The following MSR1 variants were observed in gnomAD, a reference collection of about 807,000 sequenced individuals.
The protein encoded by MSR1 is macrophage scavenger receptor types I and II.
Under a neutral mutation model 47.2 loss-of-function variants are expected in MSR1, and 53 were observed. The ratio of observed to expected loss-of-function variants is 1.12; its 90% CI spans 0.90 to 1.41. MSR1 has a LOEUF of 1.41. Ranked by LOEUF, MSR1 falls within the 40% of genes most tolerant of loss-of-function variation. MSR1 has a pLI of 0.00. For missense variants in MSR1, 786 were observed against 546.9 expected, an observed-to-expected ratio of 1.44 and a Z score of -4.36; for synonymous variants, 239 against 185.6, an observed-to-expected ratio of 1.29 and a Z score of -2.34.
chr8:16,184,355 C>T (rs1376483415), intron 1 of MSR1, among the ~76,000 whole-genome samples: 5 of 151,996 alleles, frequency 3.3e-5, no homozygotes, highest in African/African-American at 7.2e-5. Context: ...TGATCTATTA[C>T]ATCTGTTCAA....
intron 8 of MSR1, among the ~76,000 whole-genome samples, chr8:16,122,763 G>A (rs77328645): frequency 0.057 from 8,604 of 151,790 alleles, 350 homozygotes; most frequent in South Asian, 0.18. Flanking sequence ...TATTGCAAAG[G>A]GAATGGCTGA....
At chr8:16,121,680 A>C (rs1800008276) in intron 8 of MSR1, among the ~76,000 whole-genome samples, 1 of 151,738 alleles carries the variant, frequency 6.6e-6, no homozygotes, top group Non-Finnish European at 1.5e-5. Flanking sequence ...AAAACTAATA[A>C]ATGTAATTCT....
chr8:16,154,735 G>A (rs977744767), intron 6 of MSR1, among the ~76,000 whole-genome samples: 1 of 152,026 alleles, frequency 6.6e-6, no homozygotes, highest in Non-Finnish European at 1.5e-5. Context: ...GGTTAGGTCT[G>A]CCTTATACTG....
intron 4 of MSR1, among the ~76,000 whole-genome samples, chr8:16,166,080 G>C (rs1801297860): frequency 6.6e-6 from 1 of 151,666 alleles, no homozygotes; most frequent in Non-Finnish European, 1.5e-5. Context: ...AGTGTTAAGT[G>C]ACTAGACAGT....
rs535638750 is a variant in MSR1 at position 16,108,671 on chromosome 8, T to C, written c.*1414A>G. On this transcript the variant is annotated 3_prime_UTR_variant, in exon 10 of 10. Transcript: ENST00000262101. ...TTATGCTGCCAGAGAAAATCAGCAA[T>C]GTTAAACAAGTAGAAGAATGTTACA... 1 of 152,240 alleles carries C rather than the reference T, an allele frequency of 6.6e-6. No homozygotes were observed. The highest frequency in any genetic ancestry group is 2.1e-4 in the South Asian group (1 of 4,822). 9.4% of individuals were successfully genotyped at this position (152,240 alleles called of 1,614,324 possible). A position where few individuals can be genotyped will look rare whatever the true frequency, so the allele number is the denominator to read the frequency against.
chr8:16,183,962 G>T (rs78124635), intron 1 of MSR1, among the ~76,000 whole-genome samples: 6,062 of 148,268 alleles, frequency 0.041, 437 homozygotes, highest in African/African-American at 0.14. Flanking sequence ...GGGGAAGTGG[G>T]TAATCAAGGT....
intron 1 of MSR1, chr8:16,186,072 C>T (rs1801989571): frequency 1.7e-6 from 2 of 1,167,034 alleles, no homozygotes; most frequent in Admixed American, 2.3e-5. Context: ...GTGGTAGAAG[C>T]AGAAATAAAA....
At chr8:16,124,241 TGAAA>T (rs1282259410) in intron 8 of MSR1, among the ~76,000 whole-genome samples, 1 of 152,158 alleles carries the variant, frequency 6.6e-6, no homozygotes, top group Admixed American at 6.5e-5. Flanking sequence ...ATTTCCTTGT[TGAAA>T]GAGTTTTGAG....
intron 8 of MSR1, chr8:16,139,233 A>G (rs1800465941): frequency 2.0e-6 from 2 of 979,670 alleles, no homozygotes; most frequent in Non-Finnish European, 2.4e-6. Context: ...TTTCACTCCT[A>G]TTCTGATTAC....
chr8:16,135,401 G>C (rs1054328676), intron 8 of MSR1, among the ~76,000 whole-genome samples: 3 of 152,124 alleles, frequency 2.0e-5, no homozygotes, highest in Admixed American at 2.0e-4. Flanking sequence ...GTGACAGCAC[G>C]TCTGTTGACA....
At chr8:16,155,387 G>C (rs1299484246) in intron 5 of MSR1, among the ~76,000 whole-genome samples, 1 of 152,032 alleles carries the variant, frequency 6.6e-6, no homozygotes, top group African/African-American at 2.4e-5. Context: ...AAATGTGAGT[G>C]TGCCTAACAC....
At chr8:16,153,120 G>T (rs570287310) in intron 6 of MSR1, among the ~76,000 whole-genome samples, 17 of 152,128 alleles carry the variant, frequency 1.1e-4, no homozygotes, top group African/African-American at 4.1e-4. Flanking sequence ...CATCATGATT[G>T]TGAGTCTAGG....
chr8:16,155,161 GT>G lies in MSR1; in HGVS notation c.818-18del. 1 of 1,591,694 alleles carries G rather than the reference GT, an allele frequency of 6.3e-7. No homozygotes were observed. The highest frequency in any genetic ancestry group is 8.6e-7 in the Non-Finnish European group (1 of 1,161,164). ...CAGGAGGACCTTTAAAAAAATTACA[GT>G]TACTGATCATAGTTGTAAAGCATAG... is the stretch of plus-strand genomic sequence containing the variant. On this transcript the variant is annotated intron_variant, in intron 5 of 9. Coordinates refer to ENST00000262101, the MANE Select transcript of MSR1 (RefSeq NM_138715.3).
intron 9 of MSR1, among the ~76,000 whole-genome samples, chr8:16,120,103 C>G (rs935315745): frequency 2.6e-5 from 4 of 151,808 alleles, no homozygotes; most frequent in African/African-American, 9.7e-5. Context: ...TCTGGCCAAG[C>G]GCGGTGGCTC....
intron 6 of MSR1, among the ~76,000 whole-genome samples, chr8:16,150,737 C>T (rs555461939): frequency 5.3e-5 from 8 of 151,996 alleles, no homozygotes; most frequent in Admixed American, 3.9e-4. Context: ...AAAGTATCAA[C>T]GAGTGTTTTA....
chr8:16,143,809 T>C (rs1030851296), intron 7 of MSR1, among the ~76,000 whole-genome samples, 198 bp from the exon 8 acceptor site: 1 of 152,078 alleles, frequency 6.6e-6, no homozygotes, highest in African/African-American at 2.4e-5. Context: ...TATTGTGATA[T>C]TTCAAATTAT....
chr8:16,143,580 T>G lies in MSR1; in HGVS notation c.1011A>C (p.Glu337Asp). ...TACTTAATGTGTTTCCACTCCCCTT[T>G]TCCCCTTTCTGGCCTTTTGGTCCAG... ...GNSGPKGQKGEKGSGNTLTPF... is the reference protein window; with the variant it reads ...GNSGPKGQKGDKGSGNTLTPF... Residue 337 changes from glutamate to aspartate, a missense_variant, in exon 8 of 10, where the codon GAA becomes GAC. Coordinates refer to ENST00000262101, the MANE Select transcript of MSR1 (RefSeq NM_138715.3). 7 of 1,612,560 alleles carry G rather than the reference T, an allele frequency of 4.3e-6. No individual in the cohort carries two copies. The highest frequency in any genetic ancestry group is 5.9e-6 in the Non-Finnish European group (7 of 1,179,004).
chr8:16,120,763 ACCAC>A, intron 8 of MSR1, 157 bp from the exon 9 acceptor site: 1 of 936,140 alleles, frequency 1.1e-6, no homozygotes, highest in East Asian at 2.6e-5. Flanking sequence ...ACTTTCTAGC[ACCAC>A]CTATTGGTAA....
chr8:16,187,350 T>C (rs1258044697), intron 1 of MSR1, among the ~76,000 whole-genome samples: 30 of 14,198 alleles, frequency 2.1e-3, no homozygotes, highest in Non-Finnish European at 3.3e-3. Context: ...GCAACAAGAA[T>C]AAAACTCTGT....
Sources: gnomAD v4.1 joint callset for allele counts (sites outside exome capture counted in the v4.1 genomes callset) on GRCh38, gnomAD v4.1.1 for gene constraint, MANE v1.5 for transcripts, NCBI Gene and HGNC (gene_info 2026-07-23, HGNC 2026-07-21) for gene names.